The following TGFBR3 variants were observed in gnomAD, a reference collection of about 807,000 sequenced individuals.
TGFBR3 encodes transforming growth factor beta receptor 3, also known as transforming growth factor beta receptor type 3.
In TGFBR3, 46 loss-of-function variants were observed where a neutral mutation model predicts 87.9. The observed-to-expected ratio is 0.52, with a 90% confidence interval of 0.41 to 0.67. TGFBR3 has a LOEUF of 0.67. Ranked by LOEUF, TGFBR3 falls within the 30% of genes least tolerant of loss-of-function variation. The probability of loss-of-function intolerance (pLI) is 0.00; values close to 1 mark genes in which losing one functional copy is unlikely to be tolerated. For synonymous variants in TGFBR3, 381 were observed against 391.6 expected, an observed-to-expected ratio of 0.97 and a Z score of 0.32; for missense variants, 866 against 1,041.9, an observed-to-expected ratio of 0.83 and a Z score of 2.32.
At chr1:91,860,683 G>A (rs1215776898) in intron 2 of TGFBR3, among the ~76,000 whole-genome samples, 1 of 152,044 alleles carries the variant, frequency 6.6e-6, no homozygotes, top group Non-Finnish European at 1.5e-5. Flanking sequence ...AGTAATCCCA[G>A]CACTTTGGGA....
chr1:91,734,962 A>T lies in TGFBR3; in HGVS notation c.385-3T>A. On this transcript the variant is annotated splice_region_variant and splice_polypyrimidine_tract_variant and intron_variant, in intron 4 of 16. Transcript: ENST00000212355. ...TGGACCACAGAACCCTCAGACACCT[A>T]GAGGAAAGAGAATTGCGTATTTAAC... is the stretch of plus-strand genomic sequence containing the variant. 1 of 1,614,026 alleles carries T rather than the reference A, an allele frequency of 6.2e-7. No individual in the cohort carries two copies. The highest frequency in any genetic ancestry group is 1.1e-5 in the South Asian group (1 of 91,082).
chr1:91,901,461 C>T (rs1224838338), intron 1 of TGFBR3, among the ~76,000 whole-genome samples: 1 of 152,172 alleles, frequency 6.6e-6, no homozygotes, highest in African/African-American at 2.4e-5. Context: ...TGTGATTAAG[C>T]TGACAAGGAT....
chr1:91,722,901 G>A (rs750429386), intron 7 of TGFBR3, among the ~76,000 whole-genome samples: 1 of 152,180 alleles, frequency 6.6e-6, no homozygotes, highest in African/African-American at 2.4e-5. Context: ...GACCACTGTC[G>A]TATATGTGGT....
intron 2 of TGFBR3, among the ~76,000 whole-genome samples, chr1:91,800,228 CAA>C (rs148518308): frequency 0.089 from 10,123 of 113,504 alleles, 413 homozygotes; most frequent in Non-Finnish European, 0.11. Context: ...CCCATCTCTA[CAA>C]AAAAAAAAAA....
chr1:91,730,007 T>G, intron 5 of TGFBR3, 34 bp from the exon 6 acceptor site: 2 of 1,613,128 alleles, frequency 1.2e-6, no homozygotes, highest in Non-Finnish European at 1.7e-6. Flanking sequence ...GTCAAACCAC[T>G]GAGGTACTCG....
intron 1 of TGFBR3, among the ~76,000 whole-genome samples, chr1:91,884,220 T>C (rs1413455927): frequency 6.6e-6 from 1 of 151,394 alleles, no homozygotes; most frequent in African/African-American, 2.4e-5. Flanking sequence ...CTCTGGAGGC[T>C]GAGTCAGGAG....
chr1:91,876,280 G>C (rs1678805247), intron 1 of TGFBR3, among the ~76,000 whole-genome samples: 1 of 152,182 alleles, frequency 6.6e-6, no homozygotes, highest in Admixed American at 6.5e-5. Context: ...TAAGGTGTGA[G>C]AAACAGGAAC....
chr1:91,893,050 C>T (rs1679481462), intron 2 of TGFBR3, among the ~76,000 whole-genome samples: 2 of 152,112 alleles, frequency 1.3e-5, no homozygotes, highest in South Asian at 4.1e-4. Flanking sequence ...AAGTCTACTT[C>T]TAAAAATATC....
At chr1:91,824,134 A>G (rs1469335784) in intron 2 of TGFBR3, among the ~76,000 whole-genome samples, 2 of 152,216 alleles carry the variant, frequency 1.3e-5, no homozygotes, top group Non-Finnish European at 2.9e-5. Flanking sequence ...TGTCTCAAAA[A>G]TAAATATATA....
chr1:91,895,442 G>T (rs999154631), intron 2 of TGFBR3, among the ~76,000 whole-genome samples: 5 of 151,858 alleles, frequency 3.3e-5, no homozygotes, highest in African/African-American at 1.2e-4. Flanking sequence ...ATAGAACCAT[G>T]AGCCAATTAA....
chr1:91,850,021 C>T (rs1677660353), intron 2 of TGFBR3, among the ~76,000 whole-genome samples: 1 of 130,860 alleles, frequency 7.6e-6, no homozygotes. Context: ...GCAGAGCTTG[C>T]AGTGAGCTGA....
intron 2 of TGFBR3, among the ~76,000 whole-genome samples, chr1:91,856,165 C>G (rs1019585652): frequency 6.6e-6 from 1 of 152,170 alleles, no homozygotes; most frequent in Non-Finnish European, 1.5e-5. Context: ...CGGGTTCACA[C>G]CATTCTTCTG....
intron 2 of TGFBR3, among the ~76,000 whole-genome samples, chr1:91,857,652 A>T (rs1250760007): frequency 6.6e-6 from 1 of 152,228 alleles, no homozygotes; most frequent in African/African-American, 2.4e-5. Context: ...AGAAGGGATG[A>T]ATATGGCTGG....
intron 1 of TGFBR3, among the ~76,000 whole-genome samples, chr1:91,901,024 C>T (rs1679708267): frequency 6.6e-6 from 1 of 152,138 alleles, no homozygotes; most frequent in Non-Finnish European, 1.5e-5. Context: ...CTGAATGTGG[C>T]TTCTCATATG....
chr1:91,805,900 A>G (rs1571529415), intron 2 of TGFBR3, among the ~76,000 whole-genome samples: 1 of 152,124 alleles, frequency 6.6e-6, no homozygotes, highest in Admixed American at 6.5e-5. Context: ...GGGGATTTGA[A>G]CCTGGGTCTC....
intron 2 of TGFBR3, among the ~76,000 whole-genome samples, chr1:91,841,512 T>C (rs543128579): frequency 2.0e-5 from 3 of 152,090 alleles, no homozygotes; most frequent in Middle Eastern, 6.8e-3. Flanking sequence ...TAAAAATAGT[T>C]GGCCAGGCGC....
chr1:91,772,586 C>A (rs559129006), intron 3 of TGFBR3, among the ~76,000 whole-genome samples: 1 of 152,156 alleles, frequency 6.6e-6, no homozygotes, highest in Admixed American at 6.5e-5. Context: ...CTATAAGGAA[C>A]AACTTATAGG....
chr1:91,715,854 G>GAAA (rs71586709), intron 12 of TGFBR3, among the ~76,000 whole-genome samples: 36 of 150,304 alleles, frequency 2.4e-4, no homozygotes, highest in Non-Finnish European at 4.1e-4. Context: ...ACTGTGCAGG[G>GAAA]AAAAAAAAAG....
At chr1:91,863,098 G>A (rs1276882690) in intron 1 of TGFBR3, among the ~76,000 whole-genome samples, 1 of 152,200 alleles carries the variant, frequency 6.6e-6, no homozygotes, top group Non-Finnish European at 1.5e-5. Context: ...TGCAGGACAG[G>A]GGTGGGAGGG....
Sources: gnomAD v4.1 joint callset for allele counts (sites outside exome capture counted in the v4.1 genomes callset) on GRCh38, gnomAD v4.1.1 for gene constraint, MANE v1.5 for transcripts, NCBI Gene and HGNC (gene_info 2026-07-23, HGNC 2026-07-21) for gene names.